TNN: variants seen among roughly 807,000 people sequenced by gnomAD.
TNN encodes the protein tenascin N.
Under a neutral mutation model 134.4 loss-of-function variants are expected in TNN, and 122 were observed. The ratio of observed to expected loss-of-function variants is 0.91; its 90% CI spans 0.78 to 1.06. The LOEUF is 1.06. Among genes scored for constraint, TNN ranks in the 50% least tolerant of loss-of-function variants. The probability of loss-of-function intolerance (pLI) is 0.00; values close to 1 mark genes in which losing one functional copy is unlikely to be tolerated. For synonymous variants in TNN, 710 were observed against 670.3 expected, an observed-to-expected ratio of 1.06 and a Z score of -0.91; for missense variants, 1,739 against 1,699.4, an observed-to-expected ratio of 1.02 and a Z score of -0.41.
rs1675548551 is a variant in TNN, at chr1:175,127,091, G to A, written c.3045+6G>A. On this transcript the variant is annotated splice_donor_region_variant and intron_variant, in intron 13 of 18. Coordinates refer to ENST00000239462, the MANE Select transcript of TNN (RefSeq NM_022093.2). Reference sequence around the variant, plus strand: ...TCCCAGATGGCACAGTTAAGGTACGGGGATTCCTTGTCTTTTCTCCTGGTG... The same window carrying A: ...TCCCAGATGGCACAGTTAAGGTACGAGGATTCCTTGTCTTTTCTCCTGGTG... 1 of 1,611,728 alleles carries A rather than the reference G, an allele frequency of 6.2e-7. No individual in the cohort carries two copies. The highest frequency in any genetic ancestry group is 8.5e-7 in the Non-Finnish European group (1 of 1,179,360).
At chr1:175,120,965 A>AT (rs1400290088) in intron 11 of TNN, among the ~76,000 whole-genome samples, 1 of 151,942 alleles carries the variant, frequency 6.6e-6, no homozygotes, top group Non-Finnish European at 1.5e-5. Context: ...TAAACCTGTA[A>AT]TTTTTTATTT....
intron 5 of TNN, 96 bp from the exon 6 acceptor site, chr1:175,085,309 C>A: frequency 1.3e-6 from 1 of 779,442 alleles, no homozygotes; most frequent in Non-Finnish European, 2.2e-6. Flanking sequence ...CATCACCTCT[C>A]ATCTTCCCTC....
intron 17 of TNN, among the ~76,000 whole-genome samples, chr1:175,140,216 A>G (rs1324917217): frequency 1.3e-5 from 2 of 152,218 alleles, no homozygotes; most frequent in Non-Finnish European, 2.9e-5. Context: ...GTCCACATGG[A>G]GTCCATCTGA....
intron 6 of TNN, among the ~76,000 whole-genome samples, chr1:175,089,596 A>G (rs1283705765): frequency 6.6e-6 from 1 of 152,250 alleles, no homozygotes; most frequent in African/African-American, 2.4e-5. Flanking sequence ...TCCTCTATCT[A>G]TAAAATGAAG....
rs776448613 is a variant in TNN, at chr1:175,128,569, CA to C, written c.3179-24del. 21 of 1,597,124 alleles carry C rather than the reference CA, an allele frequency of 1.3e-5. No individual in the cohort carries two copies. The South Asian group carries it at 2.4e-4, about 18-fold the overall frequency. ...TCTTTCCTCCTTGCCCTTGTCCTAA[CA>C]ACACTCTCTCTGCTTGGCTCCCAGT... On this transcript the variant is annotated intron_variant, in intron 14 of 18. Transcript: ENST00000239462.
chr1:175,087,109 G>C (rs957328279), intron 6 of TNN, among the ~76,000 whole-genome samples: 4 of 152,176 alleles, frequency 2.6e-5, no homozygotes, highest in Admixed American at 6.5e-5. Flanking sequence ...AAACCAAAAA[G>C]TATCTGAGAT....
chr1:175,071,308 A>G (rs892231874), intron 1 of TNN, among the ~76,000 whole-genome samples: 4 of 152,042 alleles, frequency 2.6e-5, no homozygotes, highest in African/African-American at 9.7e-5. Flanking sequence ...GGGGAAAATG[A>G]GGTGACACAG....
At chr1:175,090,796 T>G (rs1276709736) in intron 6 of TNN, among the ~76,000 whole-genome samples, 1 of 152,226 alleles carries the variant, frequency 6.6e-6, no homozygotes, top group South Asian at 2.1e-4. Context: ...AACTAACGTA[T>G]GTACTCACAG....
chr1:175,127,651 T>TTCACC (rs1455312618), intron 13 of TNN, among the ~76,000 whole-genome samples: 48 of 152,216 alleles, frequency 3.2e-4, no homozygotes, highest in African/African-American at 1.2e-3. Flanking sequence ...AGTGGCCAGT[T>TTCACC]TCACCTCCCC....
chr1:175,100,879 T>C (rs1158410525), intron 9 of TNN, among the ~76,000 whole-genome samples: 1 of 152,208 alleles, frequency 6.6e-6, no homozygotes, highest in East Asian at 1.9e-4. Flanking sequence ...TTTAAAAAAA[T>C]TGATACATAA....
intron 1 of TNN, 55 bp downstream of exon 1, chr1:175,067,990 G>A (rs1420339034): frequency 4.4e-6 from 2 of 456,500 alleles, no homozygotes; most frequent in African/African-American, 4.0e-5. Context: ...GGTGGCCAAT[G>A]CAGATGAGCT....
chr1:175,076,551 G>A (rs1238913607), intron 1 of TNN, among the ~76,000 whole-genome samples: 1 of 152,240 alleles, frequency 6.6e-6, no homozygotes, highest in Non-Finnish European at 1.5e-5. Context: ...AGCTGGGTAA[G>A]GCAGGGGGAC....
At chr1:175,138,610 GA>G (rs1278406006) in intron 17 of TNN, among the ~76,000 whole-genome samples, 1 of 151,904 alleles carries the variant, frequency 6.6e-6, no homozygotes, top group African/African-American at 2.4e-5. Context: ...GACAATCCTT[GA>G]AAAAAAAGCA....
chr1:175,120,087 G>A (rs1362829411), intron 11 of TNN, among the ~76,000 whole-genome samples: 1 of 152,214 alleles, frequency 6.6e-6, no homozygotes, highest in African/African-American at 2.4e-5. Flanking sequence ...AGGTTTGACC[G>A]AATAGACGCT....
Position 175,116,693 on chromosome 1 carries a change from T to C in TNN, c.2120-246T>C, listed in dbSNP as rs141070421. Among the ~76,000 whole-genome samples the C allele has an allele frequency of 3.6e-3, 541 of 152,356 alleles. 4 individuals are homozygous for C. The highest frequency in any genetic ancestry group is 0.012 in the African/African-American group (493 of 41,576). ...GCACCTCTGCTCTGCCTCTCTGGGC[T>C]GGAACTAGAACCCAGTGCTTCTGAC... On this transcript the variant is annotated intron_variant, in intron 9 of 18. Coordinates refer to ENST00000239462, the MANE Select transcript of TNN (RefSeq NM_022093.2).
In TNN at chr1:175,077,791, C is replaced by G. The variant is rs746256254; in HGVS notation, c.373C>G (p.Gln125Glu). The G allele has an allele frequency of 6.2e-7, 1 of 1,614,092 alleles. No homozygotes were observed. ...LEEEMVEMKE[Q>E]CSAQRCCQGV... ...GGAAGAGATGGTGGAGATGAAGGAA[C>G]AGTGTAGTGCCCAGCGCTGCTGCCA... Residue 125 changes from glutamine (Q) to glutamate (E), a missense_variant, in exon 2 of 19, where the codon CAG becomes GAG. By Grantham distance (29) the Gln-to-Glu change is conservative. Coordinates refer to ENST00000239462, the MANE Select transcript of TNN (RefSeq NM_022093.2).
Position 175,117,057 on chromosome 1 carries a change from G to A in TNN, c.2238G>A (p.Lys746=), listed in dbSNP as rs2101834965. The A allele has an allele frequency of 6.2e-7, 1 of 1,614,230 alleles. No homozygotes were observed. The highest frequency in any genetic ancestry group is 8.5e-7 in the Non-Finnish European group (1 of 1,180,048). ...DRYVVRYTSA[K]DGETREVPVG... Reference sequence around the variant, plus strand: ...ATGTGGTGCGCTACACCTCTGCCAAGGACGGAGAGACCAGGGAGGTTCCGG... The same window carrying A: ...ATGTGGTGCGCTACACCTCTGCCAAAGACGGAGAGACCAGGGAGGTTCCGG... The change falls in exon 10 of 19, where the codon AAG becomes AAA. Residue 746 remains lysine (K), a synonymous_variant. Coordinates refer to ENST00000239462, the MANE Select transcript of TNN (RefSeq NM_022093.2).
chr1:175,071,883 G>C (rs1673922283), intron 1 of TNN, among the ~76,000 whole-genome samples: 1 of 152,170 alleles, frequency 6.6e-6, no homozygotes, highest in African/African-American at 2.4e-5. Context: ...AAATCCAGTG[G>C]CTATTACTAC....
At chr1:175,094,349 T>G in intron 7 of TNN, 96 bp downstream of exon 7, 1 of 1,310,140 alleles carries the variant, frequency 7.6e-7, no homozygotes. Flanking sequence ...CATCAGCTCT[T>G]TTGTTTGCAG....
Sources: gnomAD v4.1 joint callset for allele counts (sites outside exome capture counted in the v4.1 genomes callset) on GRCh38, gnomAD v4.1.1 for gene constraint, MANE v1.5 for transcripts, NCBI Gene and HGNC (gene_info 2026-07-23, HGNC 2026-07-21) for gene names.